Variants in STXBP6 observed in about 807,000 individuals in gnomAD.
The protein encoded by STXBP6 is syntaxin binding protein 6, also known as syntaxin-binding protein 6.
STXBP6 carries 21 observed loss-of-function variants against 26.9 expected under a neutral mutation model. That is an observed-to-expected ratio of 0.78 (90% CI 0.55 to 1.12). The LOEUF (loss-of-function observed/expected upper bound fraction) is 1.12, where lower values mean the gene tolerates loss of function less well. Ranked by LOEUF, STXBP6 falls within the 50% of genes most tolerant of loss-of-function variation. The probability of loss-of-function intolerance (pLI) is 0.00; values close to 1 mark genes in which losing one functional copy is unlikely to be tolerated. For missense variants in STXBP6, 232 were observed against 257.9 expected (o/e 0.90, Z 0.69); for synonymous variants, 97 against 92.6 (o/e 1.05, Z -0.27).
At chr14:24,922,590 C>A (rs1360160789) in intron 2 of STXBP6, among the ~76,000 whole-genome samples, 1 of 152,032 alleles carries the variant, frequency 6.6e-6, no homozygotes, top group Non-Finnish European at 1.5e-5. Flanking sequence ...TCTCTACAAC[C>A]TCCCAGGTCC....
intron 2 of STXBP6, among the ~76,000 whole-genome samples, chr14:24,925,452 A>G (rs6650513): frequency 0.26 from 39,724 of 152,118 alleles, 5,676 homozygotes; most frequent in African/African-American, 0.39. Flanking sequence ...AAAATACCCT[A>G]TGAGATAATG....
chr14:24,868,924 A>G (rs773321957), intron 2 of STXBP6, among the ~76,000 whole-genome samples: 4 of 152,230 alleles, frequency 2.6e-5, no homozygotes, highest in Non-Finnish European at 4.4e-5. Flanking sequence ...ATTGGAGGCC[A>G]CTGCTTATTG....
chr14:24,997,818 T>TGTTTTTCAGG (rs2074644695), intron 1 of STXBP6, among the ~76,000 whole-genome samples: 1 of 152,174 alleles, frequency 6.6e-6, no homozygotes, highest in African/African-American at 2.4e-5. Flanking sequence ...TGGAACATTA[T>TGTTTTTCAGG]TAAGTACAAC....
At chr14:24,862,666 A>G (rs887364159) in intron 2 of STXBP6, among the ~76,000 whole-genome samples, 1 of 152,230 alleles carries the variant, frequency 6.6e-6, no homozygotes, top group African/African-American at 2.4e-5. Flanking sequence ...TGGAAAGTCT[A>G]GGAAATTTCT....
At chr14:25,010,440 A>G (rs1395512916) in intron 1 of STXBP6, 1 of 152,256 alleles carries the variant, frequency 6.6e-6, no homozygotes, top group African/African-American at 2.4e-5. Context: ...GCCTGAGGCT[A>G]TTTTATACTT....
At chr14:24,928,811 T>C (rs1416856487) in intron 2 of STXBP6, among the ~76,000 whole-genome samples, 1 of 152,164 alleles carries the variant, frequency 6.6e-6, no homozygotes, top group East Asian at 1.9e-4. Flanking sequence ...ATATTGCTAG[T>C]GTTCTAGAGC....
intron 2 of STXBP6, among the ~76,000 whole-genome samples, chr14:24,903,261 A>G (rs1310833612): frequency 6.6e-6 from 1 of 152,066 alleles, no homozygotes; most frequent in Non-Finnish European, 1.5e-5. Flanking sequence ...TGTTTCATTG[A>G]GACAGTGGTG....
At chr14:24,851,188 TG>T (rs1356457248) in intron 4 of STXBP6, among the ~76,000 whole-genome samples, 1 of 151,478 alleles carries the variant, frequency 6.6e-6, no homozygotes, top group Non-Finnish European at 1.5e-5. Context: ...TGACCTAATA[TG>T]GCATACCCGT....
chr14:24,862,498 AG>A (rs2069575758), intron 2 of STXBP6, among the ~76,000 whole-genome samples: 1 of 152,190 alleles, frequency 6.6e-6, no homozygotes, highest in Admixed American at 6.5e-5. Flanking sequence ...TTTGGGAAGC[AG>A]ATTTCCTCAG....
At chr14:24,954,533 A>G (rs1004792676) in intron 2 of STXBP6, among the ~76,000 whole-genome samples, 2 of 152,128 alleles carry the variant, frequency 1.3e-5, no homozygotes, top group Non-Finnish European at 2.9e-5. Context: ...CTTTTTGCTA[A>G]GAGAGTCACC....
Position 24,975,228 on chromosome 14 carries a change from T to A in STXBP6, c.-32-378A>T, listed in dbSNP as rs1298679851. Among the ~76,000 whole-genome samples, 3 of 152,322 alleles carry A rather than the reference T, an allele frequency of 2.0e-5. No individual in the cohort carries two copies. In the East Asian group the frequency reaches 5.8e-4, roughly 29 times the overall value. ...TTTCACACTTCCAGAATACAAGTCTTTCCACTGTCCAACAGTCCTTAGAGT... is the reference window on the plus strand; with the variant it reads ...TTTCACACTTCCAGAATACAAGTCTATCCACTGTCCAACAGTCCTTAGAGT... On this transcript the variant is annotated intron_variant, in intron 1 of 5. Coordinates refer to ENST00000323944, the MANE Select transcript of STXBP6 (RefSeq NM_001394410.1).
intron 2 of STXBP6, among the ~76,000 whole-genome samples, chr14:24,955,301 A>C (rs1287412853): frequency 6.6e-6 from 1 of 152,120 alleles, no homozygotes; most frequent in Non-Finnish European, 1.5e-5. Flanking sequence ...CTGCTTCACC[A>C]GGAGTCCCAC....
chr14:25,009,376 T>C (rs1296355433), intron 1 of STXBP6, among the ~76,000 whole-genome samples: 1 of 152,212 alleles, frequency 6.6e-6, no homozygotes, highest in Non-Finnish European at 1.5e-5. Flanking sequence ...TTCCTTGTTT[T>C]TCCATTTTCC....
At chr14:24,930,250 G>C (rs555364753) in intron 2 of STXBP6, among the ~76,000 whole-genome samples, 3 of 152,314 alleles carry the variant, frequency 2.0e-5, no homozygotes, top group African/African-American at 7.2e-5. Flanking sequence ...CACTTTCTTA[G>C]AAATGGGGAG....
At chr14:25,016,101 A>T (rs1271330817) in intron 1 of STXBP6, among the ~76,000 whole-genome samples, 1 of 152,254 alleles carries the variant, frequency 6.6e-6, no homozygotes, top group Admixed American at 6.5e-5. Context: ...GAAATGAAAA[A>T]TGCTTAGGTG....
intron 1 of STXBP6, among the ~76,000 whole-genome samples, chr14:25,022,913 C>T (rs1370147939): frequency 6.6e-6 from 1 of 152,196 alleles, no homozygotes; most frequent in Non-Finnish European, 1.5e-5. Flanking sequence ...CACCTCACCC[C>T]TCTCCTACCC....
chr14:24,943,284 T>G (rs540769864), intron 2 of STXBP6, among the ~76,000 whole-genome samples: 1 of 152,332 alleles, frequency 6.6e-6, no homozygotes, highest in Non-Finnish European at 1.5e-5. Flanking sequence ...CCTTCTTCCT[T>G]TCTGAAAGGC....
intron 2 of STXBP6, among the ~76,000 whole-genome samples, chr14:24,911,737 AC>A (rs1937704380): frequency 6.6e-6 from 1 of 152,064 alleles, no homozygotes; most frequent in Non-Finnish European, 1.5e-5. Context: ...TTCTATTATC[AC>A]CCTTTTCCCA....
chr14:24,945,680 A>C (rs571975311), intron 2 of STXBP6, among the ~76,000 whole-genome samples: 1 of 152,256 alleles, frequency 6.6e-6, no homozygotes, highest in East Asian at 1.9e-4. Flanking sequence ...CCTTGAAGGA[A>C]TTTCCTGTGT....
Sources: gnomAD v4.1 joint callset for allele counts (sites outside exome capture counted in the v4.1 genomes callset) on GRCh38, gnomAD v4.1.1 for gene constraint, MANE v1.5 for transcripts, NCBI Gene and HGNC (gene_info 2026-07-23, HGNC 2026-07-21) for gene names.